The following ZNF525 variants were observed in gnomAD, a reference collection of about 807,000 sequenced individuals.
The protein encoded by ZNF525 is zinc finger protein 525.
A neutral mutation model predicts 37.6 loss-of-function variants in ZNF525; 33 were observed. The ratio of observed to expected loss-of-function variants is 0.88; its 90% CI spans 0.67 to 1.17. The LOEUF (loss-of-function observed/expected upper bound fraction) is 1.17. Ranked by LOEUF, ZNF525 falls within the 50% of genes most tolerant of loss-of-function variation. The pLI is 0.00. For missense variants in ZNF525, 449 were observed against 543.1 expected, an observed-to-expected ratio of 0.83 and a Z score of 1.72; for synonymous variants, 170 against 182.3, an observed-to-expected ratio of 0.93 and a Z score of 0.54.
rs2865698 is a variant in ZNF525 at position 53,383,063 on chromosome 19, G to T, written c.*1044G>T. 2.0e-3 allele frequency: 2,850 copies of T among 1,421,216 alleles called. 44 individuals carry two copies. In the African/African-American group the frequency reaches 0.035, roughly 18 times the overall value. The allele number at this position is 1,421,216 out of a possible 1,614,324, so 88.0% of individuals were successfully genotyped here. ...TCATAGACTTCATACTGGAGAGAAC[G>T]CTTGCAAGTGTAATAAATGTGGCGA... On this transcript the variant is annotated 3_prime_UTR_variant, in exon 4 of 4. Transcript: ENST00000474037.
Position 53,382,533 on chromosome 19 carries a change from A to T in ZNF525, c.*514A>T. On this transcript the variant is annotated 3_prime_UTR_variant, in exon 4 of 4. Coordinates refer to ENST00000474037, the MANE Select transcript of ZNF525 (RefSeq NM_001348156.2). ...CTTCAGTAAGGAGTTAACACATGCC[A>T]TCATAGACGTCATACTGGAGAGAAA... The T allele has an allele frequency of 6.0e-6, 4 of 669,618 alleles. No individual in the cohort carries two copies. The highest frequency in any genetic ancestry group is 1.1e-5 in the Non-Finnish European group (4 of 357,384). The allele number at this position is 669,618 out of a possible 1,614,324, so 41.5% of individuals were successfully genotyped here.
intron 1 of ZNF525, among the ~76,000 whole-genome samples, chr19:53,370,735 C>T (rs553693057): frequency 5.9e-5 from 9 of 152,270 alleles, no homozygotes; most frequent in African/African-American, 2.2e-4. Context: ...GTTGCAGACT[C>T]AGACACAGAG....
chr19:53,366,990 T>C (rs975294228), intron 1 of ZNF525, among the ~76,000 whole-genome samples: 3 of 152,196 alleles, frequency 2.0e-5, no homozygotes, highest in African/African-American at 7.2e-5. Flanking sequence ...GGGTTTTTTT[T>C]GCTTTCAGAA....
Position 53,383,098 on chromosome 19 carries a change from TCAA to T in ZNF525, c.*1083_*1085del, listed in dbSNP as rs1197761054. 1.8e-5 allele frequency: 25 copies of T among 1,362,556 alleles called. No homozygotes were observed. Among genetic ancestry groups the T allele is most frequent in the East Asian group, 5.1e-5 (2 of 39,542 alleles). The allele number at this position is 1,362,556 out of a possible 1,614,324, so 84.4% of individuals were successfully genotyped here. A position where few individuals can be genotyped will look rare whatever the true frequency, so the allele number is the denominator to read the frequency against. On this transcript the variant is annotated 3_prime_UTR_variant, in exon 4 of 4. Transcript: ENST00000474037. ...GTAATAAATGTGGCGAGGTTTTTAATCAACAAGCACACCTTGCACGTCATCATA... is the reference window on the plus strand; with the variant it reads ...GTAATAAATGTGGCGAGGTTTTTAATCAAGCACACCTTGCACGTCATCATA...
At chr19:53,368,047 G>GTT (rs77924095) in intron 1 of ZNF525, among the ~76,000 whole-genome samples, 12,785 of 151,564 alleles carry the variant, frequency 0.084, 684 homozygotes, top group Middle Eastern at 0.17. Context: ...TATCTCTTTT[G>GTT]TTTTTTTTCT....
At chr19:53,380,282 T>C (rs892797701) in intron 3 of ZNF525, among the ~76,000 whole-genome samples, 2 of 152,034 alleles carry the variant, frequency 1.3e-5, no homozygotes, top group Non-Finnish European at 2.9e-5. Context: ...TCTTATCTTC[T>C]CAGTGCTATG....
rs2085577520 is a variant in ZNF525, at chr19:53,382,880, C to T, written c.*861C>T. 1 of 1,396,392 alleles carries T rather than the reference C, an allele frequency of 7.2e-7. No homozygotes were observed. The highest frequency in any genetic ancestry group is 1.7e-5 in the Admixed American group (1 of 57,972). The allele number at this position is 1,396,392 out of a possible 1,614,324, so 86.5% of individuals were successfully genotyped here. On this transcript the variant is annotated 3_prime_UTR_variant, in exon 4 of 4. Transcript: ENST00000474037. Reference sequence around the variant, plus strand: ...AAACCTTGAAAGTCATAGGAGAATTCATACTAGAGAGAAACCTTACAAGTG... The same window carrying T: ...AAACCTTGAAAGTCATAGGAGAATTTATACTAGAGAGAAACCTTACAAGTG...
At position 53,381,751 on chromosome 19, in the gene ZNF525, C is replaced by A; in HGVS notation, c.1172C>A (p.Thr391Asn). Residue 391 changes from threonine to asparagine, a missense_variant, in exon 4 of 4, where the codon ACC becomes AAC. Thr to Asn is a moderately conservative substitution (Grantham distance 65). Transcript: ENST00000474037. ...TACAAGTGTAATGATTGTGGCAAGACCTTCAGTCATATGTCAACCCTTACA... is the reference window on the plus strand; with the variant it reads ...TACAAGTGTAATGATTGTGGCAAGAACTTCAGTCATATGTCAACCCTTACA... ...KPYKCNDCGK[T>N]FSHMSTLTCH... 2.8e-6 allele frequency: 3 copies of A among 1,065,852 alleles called. No individual in the cohort carries two copies. Among genetic ancestry groups the A allele is most frequent in the Admixed American group, 1.7e-5 (1 of 59,298 alleles). 66.0% of individuals were successfully genotyped at this position (1,065,852 alleles called of 1,614,324 possible). A position where few individuals can be genotyped will look rare whatever the true frequency, so the allele number is the denominator to read the frequency against.
intron 1 of ZNF525, among the ~76,000 whole-genome samples, chr19:53,368,491 CAGTT>C (rs1373402327): frequency 3.9e-5 from 6 of 152,144 alleles, no homozygotes; most frequent in African/African-American, 1.2e-4. Flanking sequence ...GGGGAAGAGT[CAGTT>C]AGAGTTAAAT....
At chr19:53,370,016 G>A (rs973155305) in intron 1 of ZNF525, among the ~76,000 whole-genome samples, 18 of 150,918 alleles carry the variant, frequency 1.2e-4, no homozygotes, top group African/African-American at 3.2e-4. Flanking sequence ...GAGCCACCGC[G>A]CCCGGCCAAG....
chr19:53,374,421 A>G (rs1051273494), intron 2 of ZNF525, among the ~76,000 whole-genome samples: 2 of 152,194 alleles, frequency 1.3e-5, no homozygotes, highest in African/African-American at 4.8e-5. Context: ...TTTTCCCTGT[A>G]TAAAGAGTGC....
chr19:53,383,708 A>G lies in ZNF525; in HGVS notation c.*1689A>G. 1.5e-6 allele frequency: 1 copy of G among 655,336 alleles called. No homozygotes were observed. Among genetic ancestry groups the G allele is most frequent in the South Asian group, 1.6e-5 (1 of 61,412 alleles). 40.6% of individuals were successfully genotyped at this position (655,336 alleles called of 1,614,324 possible). ...TGCTACAACCATTGTAAATCACTGG[A>G]GAAGCCATAATGAAGAGAGATCTTA... On this transcript the variant is annotated 3_prime_UTR_variant, in exon 4 of 4. Coordinates refer to ENST00000474037, the MANE Select transcript of ZNF525 (RefSeq NM_001348156.2).
intron 1 of ZNF525, among the ~76,000 whole-genome samples, chr19:53,371,986 G>A (rs760747342): frequency 3.3e-5 from 5 of 152,140 alleles, no homozygotes; most frequent in Non-Finnish European, 7.3e-5. Context: ...TCGGTGCCCT[G>A]AAGAGCTCAT....
chr19:53,383,610 T>G lies in ZNF525; in HGVS notation c.*1591T>G, dbSNP rs2085584056. On this transcript the variant is annotated 3_prime_UTR_variant, in exon 4 of 4. Coordinates refer to ENST00000474037, the MANE Select transcript of ZNF525 (RefSeq NM_001348156.2). ...AAAGCCTTTAGTGGGCAGTCAACAC[T>G]TATTCACCATCAGGCAATCCGTAGT... 1.4e-6 allele frequency: 2 copies of G among 1,402,926 alleles called. No individual in the cohort carries two copies. The highest frequency in any genetic ancestry group is 2.8e-5 in the East Asian group (1 of 35,650). 86.9% of individuals were successfully genotyped at this position (1,402,926 alleles called of 1,614,324 possible). A position where few individuals can be genotyped will look rare whatever the true frequency, so the allele number is the denominator to read the frequency against.
Position 53,384,072 on chromosome 19 carries a change from G to A in ZNF525, c.*2053G>A, listed in dbSNP as rs1178201554. 7 of 505,682 alleles carry A rather than the reference G, an allele frequency of 1.4e-5. No homozygotes were observed. Among genetic ancestry groups the A allele is most frequent in the African/African-American group, 1.4e-4 (7 of 51,104 alleles). The allele number at this position is 505,682 out of a possible 1,614,324, so 31.3% of individuals were successfully genotyped here. A position where few individuals can be genotyped will look rare whatever the true frequency, so the allele number is the denominator to read the frequency against. ...CATTTTTCAGGTAATTGTTCCCAATGCAATGAATATAGCAAACCATCAAGC... is the reference window on the plus strand; with the variant it reads ...CATTTTTCAGGTAATTGTTCCCAATACAATGAATATAGCAAACCATCAAGC... On this transcript the variant is annotated 3_prime_UTR_variant, in exon 4 of 4. Coordinates refer to ENST00000474037, the MANE Select transcript of ZNF525 (RefSeq NM_001348156.2).
chr19:53,383,147 C>T lies in ZNF525; in HGVS notation c.*1128C>T. 2 of 1,333,476 alleles carry T rather than the reference C, an allele frequency of 1.5e-6. No individual in the cohort carries two copies. The highest frequency in any genetic ancestry group is 2.1e-6 in the Non-Finnish European group (2 of 945,644). 82.6% of individuals were successfully genotyped at this position (1,333,476 alleles called of 1,614,324 possible). A position where few individuals can be genotyped will look rare whatever the true frequency, so the allele number is the denominator to read the frequency against. On this transcript the variant is annotated 3_prime_UTR_variant, in exon 4 of 4. Coordinates refer to ENST00000474037, the MANE Select transcript of ZNF525 (RefSeq NM_001348156.2). ...TCATAGAACTCATACTGGAGAGAAACATTACAAGTGTAATGAGTGTGGCAA... is the reference window on the plus strand; with the variant it reads ...TCATAGAACTCATACTGGAGAGAAATATTACAAGTGTAATGAGTGTGGCAA...
At position 53,384,721 on chromosome 19, in the gene ZNF525, TGTC is replaced by T. The variant is rs2085593179; in HGVS notation, c.*2706_*2708del. The T allele has an allele frequency of 2.3e-6, 1 of 425,578 alleles. No homozygotes were observed. The highest frequency in any genetic ancestry group is 4.2e-6 in the Non-Finnish European group (1 of 237,984). The allele number at this position is 425,578 out of a possible 1,614,324, so 26.4% of individuals were successfully genotyped here. On this transcript the variant is annotated 3_prime_UTR_variant, in exon 4 of 4. Coordinates refer to ENST00000474037, the MANE Select transcript of ZNF525 (RefSeq NM_001348156.2). Reference sequence around the variant, plus strand: ...CTGTGATTTTCTACACAGAAGGTCATGTCGTCTACAAACAAATGTAATTTTACT... The same window carrying T: ...CTGTGATTTTCTACACAGAAGGTCATGTCTACAAACAAATGTAATTTTACT...
chr19:53,382,148 C>A lies in ZNF525; in HGVS notation c.*129C>A, dbSNP rs569760100. On this transcript the variant is annotated 3_prime_UTR_variant, in exon 4 of 4. Coordinates refer to ENST00000474037, the MANE Select transcript of ZNF525 (RefSeq NM_001348156.2). Reference sequence around the variant, plus strand: ...AATTTCATAGTGGAGAGAAACCTTACAAATGTGAAGAATGTGATGAAGCTT... The same window carrying A: ...AATTTCATAGTGGAGAGAAACCTTAAAAATGTGAAGAATGTGATGAAGCTT... 856 of 1,589,128 alleles carry A rather than the reference C, an allele frequency of 5.4e-4. No individual in the cohort carries two copies. The highest frequency in any genetic ancestry group is 6.6e-4 in the Non-Finnish European group (770 of 1,159,706).
chr19:53,384,923 A>G lies in ZNF525; in HGVS notation c.*2904A>G, dbSNP rs1006401047. On this transcript the variant is annotated 3_prime_UTR_variant, in exon 4 of 4. Coordinates refer to ENST00000474037, the MANE Select transcript of ZNF525 (RefSeq NM_001348156.2). The stretch of plus-strand genomic sequence containing the variant: ...TATTTACTCATTTGTCATTTCATGG[A>G]TGTTCTTTCTATTGTTGAGGTAAAT... 13 of 699,466 alleles carry G rather than the reference A, an allele frequency of 1.9e-5. No individual in the cohort carries two copies. The highest frequency in any genetic ancestry group is 4.1e-5 in the Admixed American group (2 of 49,224). The allele number at this position is 699,466 out of a possible 1,614,324, so 43.3% of individuals were successfully genotyped here.
Sources: gnomAD v4.1 joint callset for allele counts (sites outside exome capture counted in the v4.1 genomes callset) on GRCh38, gnomAD v4.1.1 for gene constraint, MANE v1.5 for transcripts, NCBI Gene and HGNC (gene_info 2026-07-23, HGNC 2026-07-21) for gene names.